TLE2: variants seen among roughly 807,000 people sequenced by gnomAD.
TLE2 encodes TLE family member 2, transcriptional corepressor.
In TLE2, 74 loss-of-function variants were observed where a neutral mutation model predicts 97.2. The observed-to-expected ratio is 0.76, with a 90% confidence interval of 0.63 to 0.92. The LOEUF (loss-of-function observed/expected upper bound fraction) is 0.92, where lower values mean the gene tolerates loss of function less well. Ranked by LOEUF, TLE2 falls within the 40% of genes least tolerant of loss-of-function variation. The pLI, the probability that TLE2 is intolerant of heterozygous loss-of-function variation, is 0.00. For missense variants in TLE2, 1,038 were observed against 1,008.7 expected, an observed-to-expected ratio of 1.03 and a Z score of -0.39; for synonymous variants, 499 against 432.1, an observed-to-expected ratio of 1.15 and a Z score of -1.92.
chr19:3,003,982 C>T (rs928442219), intron 17 of TLE2, among the ~76,000 whole-genome samples: 6 of 152,140 alleles, frequency 3.9e-5, no homozygotes, highest in African/African-American at 1.2e-4. Flanking sequence ...GCTGAGATTA[C>T]AGGCGTGAGC....
At position 3,016,031 on chromosome 19, in the gene TLE2, G is replaced by C. The variant is rs560172421; in HGVS notation, c.571-271C>G. The C allele has an allele frequency of 9.6e-5, 51 of 532,960 alleles. 1 individual carries two copies. The highest frequency in any genetic ancestry group is 6.8e-4 in the South Asian group (44 of 64,292). 33.0% of individuals were successfully genotyped at this position (532,960 alleles called of 1,614,324 possible). The stretch of plus-strand genomic sequence containing the variant: ...GGCCCACTGAGACCCCCGCCTCCCG[G>C]GTTCAAGCGATCCTCCTGCCTCAGC... On this transcript the variant is annotated intron_variant, in intron 8 of 19. Coordinates refer to ENST00000262953, the MANE Select transcript of TLE2 (RefSeq NM_003260.5).
At chr19:3,029,558 C>A (rs867820119), upstream of TLE2, 1 of 225,166 alleles carries the variant, frequency 4.4e-6, no homozygotes, top group Non-Finnish European at 6.1e-6. Flanking sequence ...ACCGTGGGAG[C>A]GGGGGGGGGG....
chr19:3,043,843 G>C (rs758316055), intron 1 of TLE2, among the ~76,000 whole-genome samples: 1 of 151,692 alleles, frequency 6.6e-6, no homozygotes, highest in South Asian at 2.1e-4. Context: ...AATTAGCCAG[G>C]CATGGTGGCG....
intron 8 of TLE2, among the ~76,000 whole-genome samples, chr19:3,017,440 T>TTTTC (rs1169549584): frequency 2.9e-5 from 4 of 138,868 alleles, no homozygotes; most frequent in Middle Eastern, 3.6e-3. Flanking sequence ...TGGTTTTTTT[T>TTTTC]TTTCTTTCTT....
rs762388138 is a variant in TLE2, at chr19:3,027,870, A to G, written c.190T>C (p.Tyr64His). Reference sequence around the variant, plus strand: ...ATGTTGAGCCCGTACGACATCTCATAATACTGCAAAGGAAAAACCAAGTAA... The same window carrying G: ...ATGTTGAGCCCGTACGACATCTCATGATACTGCAAAGGAAAAACCAAGTAA... ...TEMQRHYVMY[Y>H]EMSYGLNIEM... The change falls in exon 4 of 20, where the codon TAT (tyrosine) becomes CAT (histidine). Residue 64 changes from tyrosine to histidine, a missense_variant. Tyr to His is a moderately conservative substitution (Grantham distance 83). Coordinates refer to ENST00000262953, the MANE Select transcript of TLE2 (RefSeq NM_003260.5). 4 of 1,610,476 alleles carry G rather than the reference A, an allele frequency of 2.5e-6. No individual in the cohort carries two copies. The highest frequency in any genetic ancestry group is 1.6e-4 in the Middle Eastern group (1 of 6,078).
chr19:3,015,022 T>TAATAAATA (rs749174870), intron 9 of TLE2, among the ~76,000 whole-genome samples: 2 of 93,426 alleles, frequency 2.1e-5, no homozygotes, highest in East Asian at 2.7e-4. Flanking sequence ...GACTCCACCT[T>TAATAAATA]AATAAATAAA....
chr19:3,009,510 G>C, intron 13 of TLE2, 32 bp downstream of exon 13: 1 of 1,561,346 alleles, frequency 6.4e-7, no homozygotes, highest in Non-Finnish European at 8.7e-7. Context: ...GGGCCCTGCT[G>C]ACACCTCCTG....
chr19:3,024,898 C>A (rs1315805745), intron 5 of TLE2, 122 bp downstream of exon 5: 8 of 835,952 alleles, frequency 9.6e-6, no homozygotes, highest in Admixed American at 4.9e-5. Flanking sequence ...TGAAAATGGT[C>A]TCTATCCGTG....
chr19:3,027,718 G>T, intron 4 of TLE2, 111 bp downstream of exon 4: 2 of 1,056,076 alleles, frequency 1.9e-6, no homozygotes, highest in South Asian at 1.5e-5. Flanking sequence ...TTCAGGATGA[G>T]ACCCGTGTTC....
intron 1 of TLE2, among the ~76,000 whole-genome samples, chr19:3,034,610 C>G (rs902716): frequency 0.33 from 49,612 of 151,104 alleles, 8,249 homozygotes; most frequent in Middle Eastern, 0.43. Context: ...AAGGCCCAAC[C>G]CAAAAACTGT....
In TLE2 at chr19:3,028,977, T is replaced by C; in HGVS notation, c.-73A>G. ...TGGAGGCGGCAAGAGTGGGGGAGGCTGAAGTGGGGTGGTGGGGAGGCTGCC... is the reference window on the plus strand; with the variant it reads ...TGGAGGCGGCAAGAGTGGGGGAGGCCGAAGTGGGGTGGTGGGGAGGCTGCC... On this transcript the variant is annotated 5_prime_UTR_variant, in exon 1 of 20. Transcript: ENST00000262953. 1 of 1,569,572 alleles carries C rather than the reference T, an allele frequency of 6.4e-7. No homozygotes were observed. The highest frequency in any genetic ancestry group is 1.2e-5 in the South Asian group (1 of 85,480).
Position 3,029,118 on chromosome 19 carries a change from C to T in TLE2, c.-214G>A, listed in dbSNP as rs2089996021. On this transcript the variant is annotated 5_prime_UTR_variant, in exon 1 of 20. Transcript: ENST00000262953. Reference sequence around the variant, plus strand: ...GAGCCCCTCCCCGGGTTGGGGTGCGCGGGGCGAGCGGGGCGGGCAGGGGCA... The same window carrying T: ...GAGCCCCTCCCCGGGTTGGGGTGCGTGGGGCGAGCGGGGCGGGCAGGGGCA... 8.9e-7 allele frequency: 1 copy of T among 1,120,758 alleles called. No homozygotes were observed. Among genetic ancestry groups the T allele is most frequent in the Non-Finnish European group, 1.1e-6 (1 of 916,824 alleles). The allele number at this position is 1,120,758 out of a possible 1,614,324, so 69.4% of individuals were successfully genotyped here.
intron 17 of TLE2, 53 bp from the exon 18 acceptor site, chr19:3,002,556 T>G (rs1435671413): frequency 8.5e-6 from 13 of 1,532,644 alleles, no homozygotes; most frequent in Middle Eastern, 1.8e-4. Flanking sequence ...TGTTTTGTGT[T>G]GAGACAGGGT....
upstream of TLE2, among the ~76,000 whole-genome samples, chr19:3,046,923 C>T (rs1308259812): frequency 8.0e-6 from 1 of 124,972 alleles, no homozygotes; most frequent in African/African-American, 3.0e-5. Flanking sequence ...CTCCTCCTCC[C>T]CCTCCTCTGC....
Position 3,025,071 on chromosome 19 carries a change from C to T in TLE2, c.243G>A (p.Val81=), listed in dbSNP as rs1210910801. 2.5e-6 allele frequency: 4 copies of T among 1,604,580 alleles called. No homozygotes were observed. The highest frequency in any genetic ancestry group is 2.6e-6 in the Non-Finnish European group (3 of 1,175,932). Residue 81 remains valine, a synonymous_variant, in exon 5 of 20, where the codon GTG becomes GTA. Coordinates refer to ENST00000262953, the MANE Select transcript of TLE2 (RefSeq NM_003260.5). ...NIEMHKQAEI[V]KRLSGICAQI... ...GAGCGCAGATACCGCTCAGACGCTT[C>T]ACAATCTCCGCCTGGCAGGAAGCAA... is the stretch of plus-strand genomic sequence containing the variant.
intron 13 of TLE2, 59 bp downstream of exon 13, chr19:3,009,483 C>T: frequency 6.6e-7 from 1 of 1,514,110 alleles, no homozygotes; most frequent in Non-Finnish European, 8.8e-7. Flanking sequence ...GGTTTCTCCT[C>T]CCGGCCCCCA....
At chr19:3,040,252 C>T (rs1016813164) in intron 1 of TLE2, among the ~76,000 whole-genome samples, 1 of 152,158 alleles carries the variant, frequency 6.6e-6, no homozygotes, top group Non-Finnish European at 1.5e-5. Flanking sequence ...GCCCCAAACT[C>T]GCCCAGCCTG....
chr19:3,011,310 C>T lies in TLE2; in HGVS notation c.874-150G>A, dbSNP rs879752799. Reference sequence around the variant, plus strand: ...TGGGAGGCCCAGTCGGGCGGATCACCTGAGGTCAGGAGTTCGAGACCAGCC... The same window carrying T: ...TGGGAGGCCCAGTCGGGCGGATCACTTGAGGTCAGGAGTTCGAGACCAGCC... On this transcript the variant is annotated intron_variant, in intron 11 of 19. Coordinates refer to ENST00000262953, the MANE Select transcript of TLE2 (RefSeq NM_003260.5). 1.8e-3 allele frequency: 1,470 copies of T among 806,064 alleles called. 3 individuals carry two copies. Among genetic ancestry groups the T allele is most frequent in the Non-Finnish European group, 2.3e-3 (1,240 of 536,200 alleles). The allele number at this position is 806,064 out of a possible 1,614,324, so 49.9% of individuals were successfully genotyped here. A position where few individuals can be genotyped will look rare whatever the true frequency, so the allele number is the denominator to read the frequency against.
intron 8 of TLE2, among the ~76,000 whole-genome samples, chr19:3,017,546 G>A (rs2089738320): frequency 6.7e-6 from 1 of 150,028 alleles, no homozygotes; most frequent in African/African-American, 2.5e-5. Flanking sequence ...GGCCTTCTGG[G>A]CTCAAGTGAT....
Sources: allele counts gnomAD v4.1 joint callset (sites outside exome capture counted in the v4.1 genomes callset), GRCh38; gene constraint gnomAD v4.1.1; transcripts MANE v1.5; gene names NCBI Gene and HGNC (gene_info 2026-07-23, HGNC 2026-07-21).